SPPL3: variants seen among roughly 807,000 people sequenced by gnomAD.
The protein encoded by SPPL3 is signal peptide peptidase like 3.
A neutral mutation model predicts 42.4 loss-of-function variants in SPPL3; 5 were observed. That is an observed-to-expected ratio of 0.12 (90% CI 0.06 to 0.25). The LOEUF (loss-of-function observed/expected upper bound fraction) is 0.25. Ranked by LOEUF, SPPL3 falls within the 10% of genes least tolerant of loss-of-function variation. SPPL3 has a pLI of 1.00. For synonymous variants in SPPL3, 195 were observed against 181.8 expected, an observed-to-expected ratio of 1.07 and a Z score of -0.58; for missense variants, 235 against 489.0, an observed-to-expected ratio of 0.48 and a Z score of 4.90.
intron 1 of SPPL3, among the ~76,000 whole-genome samples, chr12:120,823,047 A>G (rs1002819803): frequency 1.3e-5 from 2 of 151,942 alleles, no homozygotes; most frequent in African/African-American, 2.4e-5. Context: ...ATGGAGGCCT[A>G]TGTGACAGTG....
intron 1 of SPPL3, among the ~76,000 whole-genome samples, chr12:120,834,995 A>G (rs1179196431): frequency 6.6e-6 from 1 of 152,226 alleles, no homozygotes; most frequent in East Asian, 1.9e-4. Context: ...AATGAGGTTC[A>G]GGCAGCTTAG....
intron 6 of SPPL3, chr12:120,769,390 A>G (rs1167324273): frequency 4.6e-6 from 1 of 217,468 alleles, no homozygotes; most frequent in East Asian, 1.1e-4. Flanking sequence ...CCTGCTTTAA[A>G]GTGAACTCAC....
intron 6 of SPPL3, among the ~76,000 whole-genome samples, chr12:120,775,413 A>G (rs1265824101): frequency 6.6e-6 from 1 of 152,130 alleles, no homozygotes; most frequent in African/African-American, 2.4e-5. Flanking sequence ...TCGCCTCCCA[A>G]AGAGTTGGGA....
chr12:120,828,946 G>A (rs1871310686), intron 1 of SPPL3, among the ~76,000 whole-genome samples: 2 of 152,024 alleles, frequency 1.3e-5, no homozygotes, highest in Admixed American at 1.3e-4. Flanking sequence ...ATTTCTTGTA[G>A]AGATGGGGGT....
chr12:120,873,133 T>C (rs1177089485), intron 1 of SPPL3, among the ~76,000 whole-genome samples: 1 of 152,142 alleles, frequency 6.6e-6, no homozygotes, highest in Non-Finnish European at 1.5e-5. Flanking sequence ...CTGACCCAAA[T>C]GGAAACTGTA....
intron 1 of SPPL3, among the ~76,000 whole-genome samples, chr12:120,856,569 T>C (rs1207818689): frequency 2.3e-5 from 3 of 132,264 alleles, no homozygotes; most frequent in East Asian, 4.3e-4. Flanking sequence ...AAAATAAAAA[T>C]TTAACTATGG....
At chr12:120,901,504 T>C (rs913644633) in intron 1 of SPPL3, among the ~76,000 whole-genome samples, 5 of 150,788 alleles carry the variant, frequency 3.3e-5, no homozygotes, top group African/African-American at 1.2e-4. Context: ...GGCATAAGAA[T>C]TGCTTGCACC....
chr12:120,836,188 A>T (rs76426208), intron 1 of SPPL3, among the ~76,000 whole-genome samples: 1 of 151,772 alleles, frequency 6.6e-6, no homozygotes, highest in East Asian at 1.9e-4. Context: ...AGGGGAGTCT[A>T]TTTCCCCTCC....
chr12:120,850,982 GC>G (rs1325655134), intron 1 of SPPL3, among the ~76,000 whole-genome samples: 1 of 152,116 alleles, frequency 6.6e-6, no homozygotes, highest in East Asian at 1.9e-4. Context: ...TTAATTTGAT[GC>G]CATCTGCAAA....
chr12:120,820,053 A>G (rs1049467332), intron 1 of SPPL3, among the ~76,000 whole-genome samples: 2 of 152,204 alleles, frequency 1.3e-5, no homozygotes, highest in Non-Finnish European at 2.9e-5. Context: ...CCCATGGTCC[A>G]TGAGCCACAT....
At chr12:120,765,467 T>C (rs1479119553) in intron 10 of SPPL3, among the ~76,000 whole-genome samples, 2 of 150,828 alleles carry the variant, frequency 1.3e-5, no homozygotes, top group East Asian at 2.0e-4. Flanking sequence ...TTTGTGTTTT[T>C]AGTAGAGACA....
intron 6 of SPPL3, among the ~76,000 whole-genome samples, chr12:120,772,356 T>A (rs564874645): frequency 2.0e-5 from 3 of 152,248 alleles, no homozygotes; most frequent in African/African-American, 7.2e-5. Context: ...CCATAGAACG[T>A]TGAATGTCTC....
rs571225893 is a variant in SPPL3 at position 120,847,897 on chromosome 12, A to C, written c.24-37011T>G. ...TTTCAAAATGCCACATTGAATCTGA[A>C]CCGTGCTCATTTTAACTACCGAGAG... On this transcript the variant is annotated intron_variant, in intron 1 of 10. Coordinates refer to ENST00000353487, the MANE Select transcript of SPPL3 (RefSeq NM_139015.5). 2.0e-5 allele frequency among the ~76,000 whole-genome samples: 3 copies of C among 152,258 alleles called. No individual in the cohort carries two copies. In the South Asian group the frequency reaches 6.2e-4, roughly 32 times the overall value.
Position 120,791,574 on chromosome 12 carries a change from T to G in SPPL3, c.102-17A>C. ...TTAAGGGACCTGTGGAAAAAAATTT[T>G]GTAGTTAAGTTGTAGTTTTGCTTAC... On this transcript the variant is annotated splice_polypyrimidine_tract_variant and intron_variant, in intron 2 of 10. Transcript: ENST00000353487. 4 of 1,559,872 alleles carry G rather than the reference T, an allele frequency of 2.6e-6. No homozygotes were observed. Among genetic ancestry groups the G allele is most frequent in the Non-Finnish European group, 3.5e-6 (4 of 1,147,906 alleles).
intron 1 of SPPL3, among the ~76,000 whole-genome samples, chr12:120,898,074 G>A (rs1389573561): frequency 2.0e-5 from 3 of 152,058 alleles, no homozygotes; most frequent in Non-Finnish European, 2.9e-5. Context: ...CACTTTGGGA[G>A]GCCGAGGTGG....
chr12:120,855,978 C>A (rs1044083187), intron 1 of SPPL3, among the ~76,000 whole-genome samples: 4 of 152,090 alleles, frequency 2.6e-5, no homozygotes, highest in Admixed American at 1.3e-4. Context: ...TAATGTAAGC[C>A]AGCACTGTTC....
intron 6 of SPPL3, among the ~76,000 whole-genome samples, chr12:120,780,307 A>T (rs1319847190): frequency 6.6e-6 from 1 of 150,996 alleles, no homozygotes; most frequent in Non-Finnish European, 1.5e-5. Context: ...AAATAATAAT[A>T]AAAAAAATTG....
intron 1 of SPPL3, among the ~76,000 whole-genome samples, chr12:120,875,384 C>T (rs982349230): frequency 1.3e-5 from 2 of 151,974 alleles, no homozygotes; most frequent in African/African-American, 4.8e-5. Context: ...GTATCAACCA[C>T]TAAAAATATA....
At chr12:120,847,999 T>G (rs1872099303) in intron 1 of SPPL3, among the ~76,000 whole-genome samples, 1 of 152,092 alleles carries the variant, frequency 6.6e-6, no homozygotes, top group Admixed American at 6.5e-5. Flanking sequence ...AAAAGGGAAG[T>G]AAGGCATTAT....
Sources: gnomAD v4.1 joint callset for allele counts (sites outside exome capture counted in the v4.1 genomes callset) on GRCh38, gnomAD v4.1.1 for gene constraint, MANE v1.5 for transcripts, NCBI Gene and HGNC (gene_info 2026-07-23, HGNC 2026-07-21) for gene names.